RFC3: variants seen among roughly 807,000 people sequenced by gnomAD.
The protein encoded by RFC3 is replication factor C subunit 3.
RFC3 carries 41 observed loss-of-function variants against 45.1 expected under a neutral mutation model. The observed-to-expected ratio is 0.91, with a 90% CI of 0.71 to 1.18. The LOEUF is 1.18. Among genes scored for constraint, RFC3 ranks in the 50% most tolerant of loss-of-function variants. The pLI, the probability that RFC3 is intolerant of heterozygous loss-of-function variation, is 0.00. For missense variants in RFC3, 423 were observed against 428.1 expected, an observed-to-expected ratio of 0.99 and a Z score of 0.10; for synonymous variants, 149 against 144.0, an observed-to-expected ratio of 1.03 and a Z score of -0.25.
chr13:33,932,968 A>G (rs2082862010), intron 8 of RFC3, among the ~76,000 whole-genome samples: 1 of 152,152 alleles, frequency 6.6e-6, no homozygotes, highest in Non-Finnish European at 1.5e-5. Flanking sequence ...GCACATGCTG[A>G]TAACATCTGA....
chr13:33,831,215 C>G lies in RFC3; in HGVS notation c.711-41C>G, dbSNP rs181896059. The G allele has an allele frequency of 1.3e-4, 165 of 1,249,526 alleles. 1 individual carries two copies. The East Asian group carries it at 3.7e-3, about 28-fold the overall frequency. 77.4% of individuals were successfully genotyped at this position (1,249,526 alleles called of 1,614,324 possible). ...GGACTCCTGTTTTAGGACATAAGCACACTTCTGTTTAACTTCTTGTGTTCT... is the reference window on the plus strand; with the variant it reads ...GGACTCCTGTTTTAGGACATAAGCAGACTTCTGTTTAACTTCTTGTGTTCT... On this transcript the variant is annotated intron_variant, in intron 6 of 8. Coordinates refer to ENST00000380071, the MANE Select transcript of RFC3 (RefSeq NM_002915.4).
At chr13:33,893,235 C>G (rs1189251043) in intron 8 of RFC3, among the ~76,000 whole-genome samples, 2 of 152,152 alleles carry the variant, frequency 1.3e-5, no homozygotes, top group East Asian at 3.9e-4. Flanking sequence ...AGCCTTCCCA[C>G]ACTGCCAGGA....
chr13:33,827,447 G>T (rs1458346158), intron 4 of RFC3, among the ~76,000 whole-genome samples: 1 of 152,084 alleles, frequency 6.6e-6, no homozygotes, highest in African/African-American at 2.4e-5. Flanking sequence ...GAAATATTGT[G>T]CCATTATCCT....
chr13:33,855,278 C>T (rs986414916), intron 8 of RFC3, among the ~76,000 whole-genome samples: 2 of 152,142 alleles, frequency 1.3e-5, no homozygotes, highest in Non-Finnish European at 1.5e-5. Flanking sequence ...CTTAATGCTC[C>T]GAGCAAGCAC....
intron 8 of RFC3, chr13:33,849,057 T>TTGACAGAC (rs2082258861): frequency 6.6e-6 from 1 of 151,112 alleles, no homozygotes; most frequent in East Asian, 2.0e-4. Context: ...GATAGATAGA[T>TTGACAGAC]AGACAGGCAG....
chr13:33,821,873 G>A (rs2082006817), intron 2 of RFC3, among the ~76,000 whole-genome samples: 1 of 152,172 alleles, frequency 6.6e-6, no homozygotes, highest in African/African-American at 2.4e-5. Flanking sequence ...ACAACTTGTA[G>A]TTTGTACTTT....
intron 7 of RFC3, among the ~76,000 whole-genome samples, chr13:33,832,497 G>A (rs923448511): frequency 2.0e-5 from 3 of 152,126 alleles, no homozygotes; most frequent in Non-Finnish European, 4.4e-5. Context: ...ATTGGTGGAG[G>A]TGGATAGTGG....
At chr13:33,840,695 T>G (rs1194660443), downstream of RFC3, among the ~76,000 whole-genome samples, 1 of 99,074 alleles carries the variant, frequency 1.0e-5, no homozygotes, top group Non-Finnish European at 2.3e-5. Context: ...ATACGTAGTT[T>G]TTTTTTCAAT....
chr13:33,903,656 T>C (rs1177871599), intron 8 of RFC3, among the ~76,000 whole-genome samples: 1 of 152,076 alleles, frequency 6.6e-6, no homozygotes, highest in African/African-American at 2.4e-5. Context: ...AATGCCTCTA[T>C]GTTTTGTCCC....
At chr13:33,823,049 A>T (rs1187504735) in intron 2 of RFC3, among the ~76,000 whole-genome samples, 1 of 152,196 alleles carries the variant, frequency 6.6e-6, no homozygotes, top group Admixed American at 6.5e-5. Flanking sequence ...GGCATTAAAC[A>T]CATGTAAGGA....
intron 8 of RFC3, among the ~76,000 whole-genome samples, chr13:33,888,826 A>G (rs1400096068): frequency 6.6e-6 from 1 of 151,502 alleles, no homozygotes; most frequent in African/African-American, 2.4e-5. Context: ...GCTCACTGCA[A>G]TGTCCACCTC....
intron 4 of RFC3, chr13:33,829,634 A>G: frequency 1.7e-6 from 1 of 586,566 alleles, no homozygotes; most frequent in South Asian, 2.1e-5. Flanking sequence ...TATGATCTGA[A>G]GAGAAACTGG....
At chr13:33,823,629 T>A (rs182990033) in intron 2 of RFC3, among the ~76,000 whole-genome samples, 43 of 152,296 alleles carry the variant, frequency 2.8e-4, no homozygotes, top group Admixed American at 9.8e-4. Flanking sequence ...ACAGATCGTT[T>A]GCAATGATCT....
intron 1 of RFC3, 54 bp downstream of exon 1, chr13:33,818,319 T>G (rs1593598988): frequency 1.3e-6 from 2 of 1,481,736 alleles, no homozygotes; most frequent in Non-Finnish European, 1.9e-6. Context: ...CGGCTCGGGG[T>G]TTCGCGCCCC....
At chr13:33,826,484 C>T (rs1239898458) in intron 4 of RFC3, among the ~76,000 whole-genome samples, 1 of 152,056 alleles carries the variant, frequency 6.6e-6, no homozygotes, top group African/African-American at 2.4e-5. Flanking sequence ...TTTTGTTCTT[C>T]TTTAGTGAGT....
chr13:33,853,851 A>C (rs1414224600), intron 8 of RFC3, among the ~76,000 whole-genome samples: 1 of 152,146 alleles, frequency 6.6e-6, no homozygotes, highest in East Asian at 1.9e-4. Flanking sequence ...GCAACTGGGG[A>C]ACTACTACTT....
intron 2 of RFC3, among the ~76,000 whole-genome samples, chr13:33,822,461 A>T (rs899841045): frequency 6.6e-6 from 1 of 152,202 alleles, no homozygotes; most frequent in Non-Finnish European, 1.5e-5. Context: ...TTATGAAAAA[A>T]GATTAGTGAA....
chr13:33,889,467 G>A (rs1177779357), intron 8 of RFC3, among the ~76,000 whole-genome samples: 1 of 152,212 alleles, frequency 6.6e-6, no homozygotes, highest in African/African-American at 2.4e-5. Flanking sequence ...AGAGGGTAGT[G>A]TGATGTGTAA....
In RFC3 at chr13:33,818,165, GA is replaced by G; in HGVS notation, c.-12del. The G allele has an allele frequency of 6.2e-7, 1 of 1,609,750 alleles. No individual in the cohort carries two copies. On this transcript the variant is annotated 5_prime_UTR_variant, in exon 1 of 9. Transcript: ENST00000380071. The stretch of plus-strand genomic sequence containing the variant: ...GGGATTTTCAAGCGTAGGCCCCCGG[GA>G]ACTCGAGCTGCCATGAGCCTCTGGG...
Sources: gnomAD v4.1 joint callset for allele counts (sites outside exome capture counted in the v4.1 genomes callset) on GRCh38, gnomAD v4.1.1 for gene constraint, MANE v1.5 for transcripts, NCBI Gene and HGNC (gene_info 2026-07-23, HGNC 2026-07-21) for gene names.